The following DCAF15 variants were observed in gnomAD, a reference collection of about 807,000 sequenced individuals.
DCAF15 encodes DDB1 and CUL4 associated factor 15.
A neutral mutation model predicts 68.0 loss-of-function variants in DCAF15; 24 were observed. The ratio of observed to expected loss-of-function variants is 0.35; its 90% confidence interval spans 0.26 to 0.50. The LOEUF is 0.50. DCAF15 is among the 20% of genes least tolerant of loss of function. The probability of loss-of-function intolerance (pLI) is 0.98; values close to 1 mark genes in which losing one functional copy is unlikely to be tolerated. For missense variants in DCAF15, 627 were observed against 830.6 expected (o/e 0.75, Z 3.01); for synonymous variants, 376 against 341.6 (o/e 1.10, Z -1.11).
intron 7 of DCAF15, 30 bp from the exon 8 acceptor site, chr19:13,959,552 C>T: frequency 6.2e-7 from 1 of 1,608,364 alleles, no homozygotes; most frequent in East Asian, 2.2e-5. Context: ...TGGCCTCCCT[C>T]CACCCCACCC....
intron 6 of DCAF15, among the ~76,000 whole-genome samples, chr19:13,958,560 C>T (rs1015646519): frequency 1.3e-5 from 2 of 152,126 alleles, no homozygotes; most frequent in African/African-American, 4.8e-5. Flanking sequence ...CGTCTCTAGG[C>T]AGGCAGAGAC....
At chr19:13,953,166 T>C in intron 1 of DCAF15, 1 of 1,532,674 alleles carries the variant, frequency 6.5e-7, no homozygotes, top group African/African-American at 1.4e-5. Flanking sequence ...TGGATAGGGC[T>C]GAGTCTTCCC....
rs1350101401 is a variant in DCAF15, at chr19:13,956,241, G to A, written c.592G>A (p.Asp198Asn). 1 of 1,612,370 alleles carries A rather than the reference G, an allele frequency of 6.2e-7. No homozygotes were observed. The highest frequency in any genetic ancestry group is 8.5e-7 in the Non-Finnish European group (1 of 1,179,802). ...PPPGRCAACQDASRAHPGDPN... is the reference protein window; with the variant it reads ...PPPGRCAACQNASRAHPGDPN... ...GCCAGGCCGCTGTGCTGCTTGCCAG[G>A]ATGCCAGCCGAGCCCACCCAGGTGA... Residue 198 changes from aspartate (D) to asparagine (N), a missense_variant, in exon 5 of 13, where the codon GAT becomes AAT. Physicochemically the swap from Asp to Asn is conservative, Grantham distance 23. This residue lies in a region of DCAF15 where 273 missense variants were observed against 393.7 expected (regional missense o/e 0.69). Coordinates refer to ENST00000254337, the MANE Select transcript of DCAF15 (RefSeq NM_138353.4).
chr19:13,956,298 C>G (rs1487397034), intron 5 of DCAF15, 36 bp downstream of exon 5: 5 of 1,611,378 alleles, frequency 3.1e-6, no homozygotes, highest in Non-Finnish European at 4.2e-6. Flanking sequence ...CTCTTCCCCC[C>G]TCCCCCCCTT....
At chr19:13,955,599 G>A (rs1006301854) in intron 3 of DCAF15, among the ~76,000 whole-genome samples, 1 of 152,164 alleles carries the variant, frequency 6.6e-6, no homozygotes, top group Non-Finnish European at 1.5e-5. Flanking sequence ...CAGGAGGTGT[G>A]CTGTTACCTC....
At position 13,960,941 on chromosome 19, in the gene DCAF15, G is replaced by C. The variant is rs138018832; in HGVS notation, c.1749G>C (p.Gly583=). 6.2e-7 allele frequency: 1 copy of C among 1,613,892 alleles called. No homozygotes were observed. The highest frequency in any genetic ancestry group is 8.5e-7 in the Non-Finnish European group (1 of 1,180,038). Residue 583 remains glycine (G), a splice_region_variant and synonymous_variant, in exon 13 of 13, where the codon GGG becomes GGC. Transcript: ENST00000254337. The part of the protein sequence containing the change: ...NRMTNEALHK[G]CSLKVLADSE... ...CTTTGTCTCCACCTGTCCCTGTAGG[G>C]TGCTCCCTGAAGGTTCTGGCGGACA...
chr19:13,959,488 G>A lies in DCAF15; in HGVS notation c.1219+9G>A. 6.2e-7 allele frequency: 1 copy of A among 1,609,306 alleles called. No individual in the cohort carries two copies. The highest frequency in any genetic ancestry group is 8.5e-7 in the Non-Finnish European group (1 of 1,177,426). ...GACGGAGCCGGAGGATGGTGAGCGG[G>A]GGGCAGGCATGTGACAGGGCCTGGG... On this transcript the variant is annotated intron_variant, in intron 7 of 12. Transcript: ENST00000254337.
rs373695930 is a variant in DCAF15 at position 13,959,835 on chromosome 19, C to T, written c.1380C>T (p.His460=). The T allele has an allele frequency of 1.5e-5, 24 of 1,576,094 alleles. No homozygotes were observed. Among genetic ancestry groups the T allele is most frequent in the African/African-American group, 5.8e-5 (4 of 68,930 alleles). ...ATGTTATCAATGAGGTCATCCGCCA[C>T]GACGCTACCTGGGGCCATCAGTTCT... The part of the protein sequence containing the change: ...FEYVINEVIR[H]DATWGHQFCS... The change falls in exon 9 of 13, where the codon CAC becomes CAT. Residue 460 remains histidine (H), a synonymous_variant. Coordinates refer to ENST00000254337, the MANE Select transcript of DCAF15 (RefSeq NM_138353.4).
Position 13,954,590 on chromosome 19 carries a change from G to A in DCAF15, c.295G>A (p.Asp99Asn). The A allele has an allele frequency of 6.2e-7, 1 of 1,614,214 alleles. No individual in the cohort carries two copies. The highest frequency in any genetic ancestry group is 8.5e-7 in the Non-Finnish European group (1 of 1,180,040). The change falls in exon 3 of 13, where the codon GAT becomes AAT. Residue 99 changes from aspartate to asparagine, a missense_variant. Around this residue, in one of 3 missense-constraint regions of DCAF15, gnomAD observed 273 missense variants for 393.7 expected, o/e 0.69. Coordinates refer to ENST00000254337, the MANE Select transcript of DCAF15 (RefSeq NM_138353.4). ...YVLSYTSSSG[D>N]DDFSFYIYHL... ...CCTCTCCTACACCAGCAGCAGTGGGGATGACGACTTCTCCTTCTACATCTA... is the reference window on the plus strand; with the variant it reads ...CCTCTCCTACACCAGCAGCAGTGGGAATGACGACTTCTCCTTCTACATCTA...
chr19:13,956,076 GGCCCCCCAGGC>G (rs1355483075), intron 4 of DCAF15, 36 bp from the exon 5 acceptor site: 62 of 1,610,608 alleles, frequency 3.8e-5, no homozygotes, highest in Non-Finnish European at 5.2e-5. Flanking sequence ...GTGCAGTGGG[GGCCCCCCAGGC>G]GCCGACCAGG....
chr19:13,959,424 C>T lies in DCAF15; in HGVS notation c.1164C>T (p.Asn388=). The T allele has an allele frequency of 1.9e-6, 3 of 1,609,540 alleles. No homozygotes were observed. The highest frequency in any genetic ancestry group is 2.5e-6 in the Non-Finnish European group (3 of 1,179,878). Reference sequence around the variant, plus strand: ...CTGCCTCCGAGCCTGGCTATGTCAACTACACCAAGCTGTACTATGTGCTGG... The same window carrying T: ...CTGCCTCCGAGCCTGGCTATGTCAATTACACCAAGCTGTACTATGTGCTGG... The part of the protein sequence containing the change: ...EAPASEPGYV[N]YTKLYYVLES... The change falls in exon 7 of 13, where the codon AAC becomes AAT. Residue 388 remains asparagine (N), a synonymous_variant. Transcript: ENST00000254337.
Position 13,960,471 on chromosome 19 carries a change from T to C in DCAF15, c.1638T>C (p.Ser546=), listed in dbSNP as rs752441621. 1 of 1,611,828 alleles carries C rather than the reference T, an allele frequency of 6.2e-7. No homozygotes were observed. Among genetic ancestry groups the C allele is most frequent in the East Asian group, 2.2e-5 (1 of 44,854 alleles). ...TCACCCCCTGGCCCCGCAGCGGCAGTGTCTGGAGCTCCTACCGCAAGAGCT... is the reference window on the plus strand; with the variant it reads ...TCACCCCCTGGCCCCGCAGCGGCAGCGTCTGGAGCTCCTACCGCAAGAGCT... ...LTEVKGQTSG[S]VWSSYRKSCV... Residue 546 remains serine (S), a synonymous_variant, in exon 12 of 13, where the codon AGT becomes AGC. Coordinates refer to ENST00000254337, the MANE Select transcript of DCAF15 (RefSeq NM_138353.4).
chr19:13,958,513 G>A (rs1451855012), intron 6 of DCAF15, among the ~76,000 whole-genome samples: 1 of 152,070 alleles, frequency 6.6e-6, no homozygotes, highest in African/African-American at 2.4e-5. Context: ...GAATATGTTG[G>A]GGTTCTCCAT....
At chr19:13,956,597 G>T in intron 6 of DCAF15, 75 bp downstream of exon 6, 2 of 1,544,908 alleles carry the variant, frequency 1.3e-6, no homozygotes, top group South Asian at 1.2e-5. Context: ...CACAGACAAG[G>T]GGCCCCAGGC....
In DCAF15 at chr19:13,954,423, C is replaced by A; in HGVS notation, c.216C>A (p.Asp72Glu). ...CCCTCAAGAACATTGTGGATGAGGA[C>A]TTCCTCTATGCAGGGTGAGGCTGGG... ...CVSLKNIVDEDFLYAGHIFLG... is the reference protein window; with the variant it reads ...CVSLKNIVDEEFLYAGHIFLG... The change falls in exon 2 of 13, where the codon GAC becomes GAA. Residue 72 changes from aspartate to glutamate, a missense_variant. Physicochemically the swap from Asp to Glu is conservative, Grantham distance 45 (BLOSUM62 2). Around this residue, in one of 3 missense-constraint regions of DCAF15, gnomAD observed 273 missense variants for 393.7 expected, o/e 0.69. Coordinates refer to ENST00000254337, the MANE Select transcript of DCAF15 (RefSeq NM_138353.4). 6.2e-7 allele frequency: 1 copy of A among 1,611,556 alleles called. No homozygotes were observed. The highest frequency in any genetic ancestry group is 1.1e-5 in the South Asian group (1 of 90,988).
chr19:13,956,440 C>T lies in DCAF15; in HGVS notation c.702C>T (p.Ala234=). The change falls in exon 6 of 13, where the codon GCC becomes GCT. Residue 234 remains alanine, a synonymous_variant. Transcript: ENST00000254337. ...VVYPFPTFQP[A]FQLKKDQVVL... is the part of the protein sequence containing the mutation. ...ACCCCTTCCCCACCTTCCAGCCCGC[C>T]TTCCAGCTCAAGAAGGACCAGGTGG... 6.2e-7 allele frequency: 1 copy of T among 1,613,912 alleles called. No homozygotes were observed. The highest frequency in any genetic ancestry group is 8.5e-7 in the Non-Finnish European group (1 of 1,180,032).
intron 12 of DCAF15, 70 bp from the exon 13 acceptor site, chr19:13,960,870 C>T (rs959755864): frequency 1.3e-6 from 2 of 1,599,878 alleles, no homozygotes; most frequent in Non-Finnish European, 1.7e-6. Context: ...AGAAGCAAGT[C>T]AGGTGGAGGG....
intron 6 of DCAF15, among the ~76,000 whole-genome samples, chr19:13,957,667 G>C (rs1599462115): frequency 6.6e-6 from 1 of 152,274 alleles, no homozygotes; most frequent in East Asian, 1.9e-4. Flanking sequence ...CAGCACTTTG[G>C]GAGGCTGAGG....
intron 1 of DCAF15, chr19:13,953,469 T>G (rs1001473587): frequency 1.8e-5 from 4 of 222,774 alleles, no homozygotes; most frequent in Non-Finnish European, 3.6e-5. Flanking sequence ...CTCCCTGGGC[T>G]TGGCTGTGGT....
Sources: gnomAD v4.1 joint callset for allele counts (sites outside exome capture counted in the v4.1 genomes callset) on GRCh38, gnomAD v4.1.1 for gene constraint, gnomAD v4.1.1 regional missense constraint, MANE v1.5 for transcripts, NCBI Gene and HGNC (gene_info 2026-07-23, HGNC 2026-07-21) for gene names.